Variants in MYT1L observed in about 807,000 individuals in gnomAD.
MYT1L encodes myelin transcription factor 1-like protein.
Under a neutral mutation model 126.7 loss-of-function variants are expected in MYT1L, and 12 were observed. That is an observed-to-expected ratio of 0.09 (90% CI 0.06 to 0.15). The LOEUF (loss-of-function observed/expected upper bound fraction) is 0.15, where lower values mean the gene tolerates loss of function less well. Ranked by LOEUF, MYT1L falls within the 10% of genes least tolerant of loss-of-function variation. The probability of loss-of-function intolerance (pLI) is 1.00; values close to 1 mark genes in which losing one functional copy is unlikely to be tolerated. For missense variants in MYT1L, 979 were observed against 1,585.2 expected (o/e 0.62, Z 6.49); for synonymous variants, 541 against 604.2 (o/e 0.90, Z 1.53).
chr2:2,244,824 C>A (rs536537569), intron 2 of MYT1L, among the ~76,000 whole-genome samples: 8 of 152,342 alleles, frequency 5.3e-5, no homozygotes, highest in African/African-American at 1.4e-4. Context: ...GTTCTCCCTG[C>A]AAACTGACGG....
At chr2:2,085,547 T>G (rs1002463172) in intron 3 of MYT1L, among the ~76,000 whole-genome samples, 11 of 152,186 alleles carry the variant, frequency 7.2e-5, no homozygotes, top group African/African-American at 2.7e-4. Context: ...TCCCAAAGGC[T>G]TGTCATGCTC....
chr2:2,298,827 CG>C (rs2095740415), intron 1 of MYT1L, among the ~76,000 whole-genome samples: 1 of 152,124 alleles, frequency 6.6e-6, no homozygotes, highest in Non-Finnish European at 1.5e-5. Context: ...ACTCTCTCCA[CG>C]GTAACTCTGT....
intron 1 of MYT1L, among the ~76,000 whole-genome samples, chr2:2,320,351 A>G (rs1348510769): frequency 6.6e-6 from 1 of 152,044 alleles, no homozygotes; most frequent in Non-Finnish European, 1.5e-5. Context: ...GTGCTCATAC[A>G]GTAAGAGGAT....
At chr2:1,900,445 A>G (rs965172396) in intron 14 of MYT1L, among the ~76,000 whole-genome samples, 33 of 152,092 alleles carry the variant, frequency 2.2e-4, no homozygotes, top group Non-Finnish European at 4.1e-4. Flanking sequence ...GACTACAGGC[A>G]CCCGCCACCA....
At chr2:2,295,126 G>A (rs867252120) in intron 1 of MYT1L, among the ~76,000 whole-genome samples, 11 of 152,134 alleles carry the variant, frequency 7.2e-5, no homozygotes, top group Non-Finnish European at 1.0e-4. Flanking sequence ...ATACTAAAGC[G>A]TGCTGAGGCT....
chr2:2,276,118 G>A (rs1241506145), intron 2 of MYT1L, among the ~76,000 whole-genome samples: 1 of 152,138 alleles, frequency 6.6e-6, no homozygotes, highest in Non-Finnish European at 1.5e-5. Flanking sequence ...ATGGGTAATA[G>A]GTCCTCAGGG....
chr2:1,808,687 G>A (rs949244813), intron 22 of MYT1L, among the ~76,000 whole-genome samples: 4 of 152,306 alleles, frequency 2.6e-5, no homozygotes, highest in East Asian at 1.9e-4. Context: ...GGCGACAGGG[G>A]AGGGGGTGCC....
intron 4 of MYT1L, among the ~76,000 whole-genome samples, chr2:2,045,593 G>C (rs2068083370): frequency 6.6e-6 from 1 of 152,154 alleles, no homozygotes; most frequent in Non-Finnish European, 1.5e-5. Context: ...TTTCTTAAGA[G>C]AGCATGCAAA....
At chr2:2,103,026 T>G (rs951116439) in intron 3 of MYT1L, among the ~76,000 whole-genome samples, 1 of 152,100 alleles carries the variant, frequency 6.6e-6, no homozygotes, top group African/African-American at 2.4e-5. Context: ...TTAGCGCTAA[T>G]TGAGAATTCC....
At chr2:2,013,869 C>G (rs548680929) in intron 4 of MYT1L, among the ~76,000 whole-genome samples, 20 of 152,244 alleles carry the variant, frequency 1.3e-4, no homozygotes, top group Non-Finnish European at 2.6e-4. Context: ...TGCGTCCGCA[C>G]CCGGGCAGTT....
chr2:2,044,467 G>A (rs578170448), intron 4 of MYT1L, among the ~76,000 whole-genome samples: 11 of 152,280 alleles, frequency 7.2e-5, no homozygotes, highest in Admixed American at 2.6e-4. Context: ...AGTTCTGATC[G>A]TGGTACAATG....
rs1264170578 is a variant in MYT1L at position 1,811,400 on chromosome 2, G to GTCATCAGCTCCAGCA, written c.3081-2248_3081-2234dup. 4 of 152,600 alleles carry GTCATCAGCTCCAGCA rather than the reference G, an allele frequency of 2.6e-5. No homozygotes were observed. The highest frequency in any genetic ancestry group is 6.5e-5 in the Admixed American group (1 of 15,272). 9.5% of individuals were successfully genotyped at this position (152,600 alleles called of 1,614,324 possible). ...CAGCTCTGGCGTCATCAGCTCTGGC[G>GTCATCAGCTCCAGCA]TCATCAGCTCCAGCATCATCAGCTC... On this transcript the variant is annotated intron_variant, in intron 21 of 24. Coordinates refer to ENST00000647738, the MANE Select transcript of MYT1L (RefSeq NM_001303052.2). The surrounding 1 kb of genome is among the most constrained non-coding windows in gnomAD (Gnocchi z 4.4).
intron 4 of MYT1L, among the ~76,000 whole-genome samples, chr2:2,041,319 G>A (rs1193724955): frequency 1.3e-5 from 2 of 152,152 alleles, no homozygotes; most frequent in African/African-American, 4.8e-5. Context: ...TGTTTTACTT[G>A]AAGGAAATTG....
chr2:2,257,403 T>G (rs1003079474), intron 2 of MYT1L, among the ~76,000 whole-genome samples: 1 of 152,180 alleles, frequency 6.6e-6, no homozygotes, highest in African/African-American at 2.4e-5. Flanking sequence ...CAATCTTGGC[T>G]GCGGTGGCTT....
intron 2 of MYT1L, among the ~76,000 whole-genome samples, chr2:2,249,886 A>C (rs1572839956): frequency 6.6e-6 from 1 of 152,314 alleles, no homozygotes; most frequent in African/African-American, 2.4e-5. Context: ...CATTTCTCAA[A>C]AGACATACAA....
At chr2:2,065,784 C>A (rs1391443472) in intron 3 of MYT1L, among the ~76,000 whole-genome samples, 1 of 151,482 alleles carries the variant, frequency 6.6e-6, no homozygotes, top group East Asian at 1.9e-4. Context: ...AATTTTGGAA[C>A]TTAATAATTT....
At chr2:2,180,948 CTGTG>C (rs151085149) in intron 2 of MYT1L, among the ~76,000 whole-genome samples, 8 of 145,662 alleles carry the variant, frequency 5.5e-5, no homozygotes, top group Non-Finnish European at 1.0e-4. Flanking sequence ...CTGCATGTGC[CTGTG>C]TGTGCACCTG....
chr2:1,833,734 G>T (rs1272590490), intron 21 of MYT1L, among the ~76,000 whole-genome samples: 1 of 152,192 alleles, frequency 6.6e-6, no homozygotes, highest in Non-Finnish European at 1.5e-5. Flanking sequence ...CTTAGACACT[G>T]CTTTTCTAGA....
chr2:1,868,401 A>G (rs1286457395), intron 18 of MYT1L, among the ~76,000 whole-genome samples: 3 of 152,238 alleles, frequency 2.0e-5, no homozygotes, highest in African/African-American at 7.2e-5. Context: ...GTTGTTATGT[A>G]AGCTATAAAG....
Sources: allele counts gnomAD v4.1 joint callset (sites outside exome capture counted in the v4.1 genomes callset), GRCh38; gene constraint gnomAD v4.1.1; non-coding constraint Gnocchi (gnomAD v3.1); transcripts MANE v1.5; gene names NCBI Gene and HGNC (gene_info 2026-07-23, HGNC 2026-07-21).